The following HPSE2 variants were observed in gnomAD, a reference collection of about 807,000 sequenced individuals.
HPSE2 encodes heparanase 2 (inactive).
Under a neutral mutation model 60.5 loss-of-function variants are expected in HPSE2, and 38 were observed. That is an observed-to-expected ratio of 0.63 (90% CI 0.48 to 0.82). HPSE2 has a LOEUF of 0.82. HPSE2 is among the 40% of genes least tolerant of loss of function. The pLI, the probability that HPSE2 is intolerant of heterozygous loss-of-function variation, is 0.00. For missense variants in HPSE2, 713 were observed against 740.4 expected, an observed-to-expected ratio of 0.96 and a Z score of 0.43; for synonymous variants, 295 against 293.2, an observed-to-expected ratio of 1.01 and a Z score of -0.06.
At chr10:98,512,022 TTGA>T (rs1942425003) in intron 9 of HPSE2, among the ~76,000 whole-genome samples, 2 of 152,236 alleles carry the variant, frequency 1.3e-5, no homozygotes, top group African/African-American at 4.8e-5. Flanking sequence ...ATCTAGATAT[TTGA>T]CCTTGGAGAG....
At chr10:98,626,829 C>G (rs1004429201) in intron 7 of HPSE2, among the ~76,000 whole-genome samples, 25 of 151,524 alleles carry the variant, frequency 1.6e-4, no homozygotes, top group Non-Finnish European at 2.9e-4. Context: ...CTGGAGTGCA[C>G]TGGTGCAATC....
chr10:99,064,520 C>T (rs902262091), intron 3 of HPSE2, among the ~76,000 whole-genome samples: 9 of 151,924 alleles, frequency 5.9e-5, no homozygotes, highest in African/African-American at 1.7e-4. Context: ...CCTCTATGCC[C>T]TCTCTCCTTA....
chr10:99,240,648 G>A (rs765076380), upstream of HPSE2, among the ~76,000 whole-genome samples: 6 of 151,986 alleles, frequency 3.9e-5, no homozygotes, highest in African/African-American at 1.2e-4. Flanking sequence ...TCCTGACCTC[G>A]CGATCTGCCC....
rs549014842 is a variant in HPSE2, at chr10:98,757,822, C to T, written c.611-13766G>A. 7.9e-5 allele frequency among the ~76,000 whole-genome samples: 12 copies of T among 152,142 alleles called. No individual in the cohort carries two copies. The South Asian group carries it at 2.5e-3, about 32-fold the overall frequency. ...ATCAAACTACCAATGACATTTTCCA[C>T]AGAATTAGAAAAAAATATTTTAAAA... On this transcript the variant is annotated intron_variant, in intron 3 of 11. Coordinates refer to ENST00000370552, the MANE Select transcript of HPSE2 (RefSeq NM_021828.5).
intron 3 of HPSE2, among the ~76,000 whole-genome samples, chr10:99,119,452 C>G (rs758764502): frequency 2.6e-5 from 4 of 152,116 alleles, no homozygotes; most frequent in African/African-American, 7.2e-5. Flanking sequence ...ATGATGCAAT[C>G]AAATGGAAAA....
chr10:98,668,575 CA>C (rs1352182432), intron 6 of HPSE2, among the ~76,000 whole-genome samples: 1 of 152,118 alleles, frequency 6.6e-6, no homozygotes, highest in Admixed American at 6.5e-5. Flanking sequence ...ACCATTGTAA[CA>C]GAATAGAGAA....
At chr10:99,165,178 T>C (rs1847027356) in intron 2 of HPSE2, among the ~76,000 whole-genome samples, 1 of 151,696 alleles carries the variant, frequency 6.6e-6, no homozygotes, top group Non-Finnish European at 1.5e-5. Flanking sequence ...TTTCATAAAC[T>C]ATATTTGCTT....
At chr10:98,524,172 T>C (rs1392004572) in intron 9 of HPSE2, among the ~76,000 whole-genome samples, 1 of 152,176 alleles carries the variant, frequency 6.6e-6, no homozygotes, top group African/African-American at 2.4e-5. Context: ...TCTCAATAAT[T>C]TTATCTTTGA....
Position 98,459,360 on chromosome 10 carries a change from A to T in HPSE2, c.*214T>A. 1 of 632,744 alleles carries T rather than the reference A, an allele frequency of 1.6e-6. No homozygotes were observed. The allele number at this position is 632,744 out of a possible 1,614,324, so 39.2% of individuals were successfully genotyped here. ...CTTTATCCTTATATAGGTACAGGTGATGTCTACATTTTCCTTTGGGATGGA... is the reference window on the plus strand; with the variant it reads ...CTTTATCCTTATATAGGTACAGGTGTTGTCTACATTTTCCTTTGGGATGGA... On this transcript the variant is annotated 3_prime_UTR_variant, in exon 12 of 12. Coordinates refer to ENST00000370552, the MANE Select transcript of HPSE2 (RefSeq NM_021828.5).
intron 3 of HPSE2, among the ~76,000 whole-genome samples, chr10:98,859,143 C>A (rs75438474): frequency 0.011 from 1,656 of 152,218 alleles, 30 homozygotes; most frequent in African/African-American, 0.037. Flanking sequence ...TTTCTACATC[C>A]ATTGATAAGG....
In HPSE2 at chr10:99,074,309, T is replaced by A. The variant is rs150957691; in HGVS notation, c.610+69929A>T. ...AATTTTTTTTCTGCATCTATTGAGA[T>A]AATTATGAGATTTTTATTCTTCATT... On this transcript the variant is annotated intron_variant, in intron 3 of 11. Transcript: ENST00000370552. Among the ~76,000 whole-genome samples, 648 of 152,322 alleles carry A rather than the reference T, an allele frequency of 4.3e-3. 3 individuals are homozygous for A. The highest frequency in any genetic ancestry group is 0.015 in the African/African-American group (619 of 41,572).
At position 98,532,851 on chromosome 10, in the gene HPSE2, C is replaced by A. The variant is rs1411557207; in HGVS notation, c.1321-42655G>T. ...AGACTGCAGACCCTGGAAGAGCTTC[C>A]TTTTATTTGTCTATTTGGCCTTTAT... On this transcript the variant is annotated intron_variant, in intron 9 of 11. Transcript: ENST00000370552. Among the ~76,000 whole-genome samples, 6 of 152,098 alleles carry A rather than the reference C, an allele frequency of 3.9e-5. No individual in the cohort carries two copies. In the East Asian group the frequency reaches 1.2e-3, roughly 29 times the overall value.
chr10:98,570,298 T>C (rs1488648098), intron 9 of HPSE2, among the ~76,000 whole-genome samples: 1 of 152,188 alleles, frequency 6.6e-6, no homozygotes, highest in Non-Finnish European at 1.5e-5. Flanking sequence ...GCTATCTGCA[T>C]GGCACGGCTC....
intron 2 of HPSE2, among the ~76,000 whole-genome samples, chr10:99,145,434 C>A (rs1846017182): frequency 6.7e-6 from 1 of 148,858 alleles, no homozygotes; most frequent in African/African-American, 2.5e-5. Context: ...CCAGCCTGGG[C>A]AATAGAGGGA....
chr10:98,886,504 AC>A (rs1184042029), intron 3 of HPSE2, among the ~76,000 whole-genome samples: 1 of 152,142 alleles, frequency 6.6e-6, no homozygotes, highest in Non-Finnish European at 1.5e-5. Flanking sequence ...CAGAGGAGAT[AC>A]ATGCTAATGA....
chr10:99,256,926 A>G, the HPSE2 span, among the ~76,000 whole-genome samples: 1 of 152,204 alleles, frequency 6.6e-6, no homozygotes, highest in Non-Finnish European at 1.5e-5. Context: ...GATTGGCTGA[A>G]GCCATGGCAG....
At chr10:98,974,793 T>G (rs1211575798) in intron 3 of HPSE2, among the ~76,000 whole-genome samples, 1 of 152,138 alleles carries the variant, frequency 6.6e-6, no homozygotes, top group African/African-American at 2.4e-5. Context: ...TATTCCCTTT[T>G]GTTGTTAATA....
intron 3 of HPSE2, among the ~76,000 whole-genome samples, chr10:98,948,757 C>A (rs1481210560): frequency 1.3e-5 from 2 of 152,048 alleles, no homozygotes; most frequent in Non-Finnish European, 2.9e-5. Flanking sequence ...ACAGCAAGAC[C>A]ACCCCCTCCT....
Position 99,144,303 on chromosome 10 carries a change from G to T in HPSE2, c.545C>A (p.Ala182Asp). The change falls in exon 3 of 12, where the codon GCT (alanine) becomes GAT (aspartate). Residue 182 changes from alanine to aspartate, a missense_variant. Transcript: ENST00000370552. ...CTTTAGAAGAACCAGATGCATCTGAGCTGCCTTCTCCCTTTGGAGCTCCAG... is the reference window on the plus strand; with the variant it reads ...CTTTAGAAGAACCAGATGCATCTGATCTGCCTTCTCCCTTTGGAGCTCCAG... ...VMLELQREKA[A>D]QMHLVLLKEQ... is the part of the protein sequence containing the mutation. 1 of 1,614,084 alleles carries T rather than the reference G, an allele frequency of 6.2e-7. No homozygotes were observed. Among genetic ancestry groups the T allele is most frequent in the Non-Finnish European group, 8.5e-7 (1 of 1,180,000 alleles).
Sources: allele counts gnomAD v4.1 joint callset (sites outside exome capture counted in the v4.1 genomes callset), GRCh38; gene constraint gnomAD v4.1.1; transcripts MANE v1.5; gene names NCBI Gene and HGNC (gene_info 2026-07-23, HGNC 2026-07-21).